UTRN: variants seen among roughly 807,000 people sequenced by gnomAD.
UTRN encodes the protein utrophin.
In UTRN, 283 loss-of-function variants were observed where a neutral mutation model predicts 463.9. That is an observed-to-expected ratio of 0.61 (90% CI 0.55 to 0.67). The LOEUF is 0.67. Among genes scored for constraint, UTRN ranks in the 30% least tolerant of loss-of-function variants. The probability of loss-of-function intolerance (pLI) is 0.00; values close to 1 mark genes in which losing one functional copy is unlikely to be tolerated. For synonymous variants in UTRN, 1,442 were observed against 1,431.5 expected (o/e 1.01, Z -0.17); for missense variants, 3,922 against 4,084.3 (o/e 0.96, Z 1.08).
chr6:144,847,428 G>GT (rs1782119327), intron 74 of UTRN, among the ~76,000 whole-genome samples: 5 of 151,978 alleles, frequency 3.3e-5, no homozygotes, highest in South Asian at 4.2e-4. Context: ...TTTTGTTTTT[G>GT]TTTTTTCCCA....
intron 44 of UTRN, 58 bp from the exon 45 acceptor site, chr6:144,539,236 C>A (rs2128605822): frequency 6.7e-7 from 1 of 1,481,626 alleles, no homozygotes; most frequent in East Asian, 2.4e-5. Flanking sequence ...TAATACAGTT[C>A]TTGAATTTTC....
chr6:144,596,452 G>A (rs1803654835), intron 51 of UTRN, among the ~76,000 whole-genome samples: 1 of 152,112 alleles, frequency 6.6e-6, no homozygotes, highest in African/African-American at 2.4e-5. Flanking sequence ...GGAGACAGAA[G>A]CTTAAAAGAG....
At chr6:144,674,233 A>G (rs574209453) in intron 51 of UTRN, among the ~76,000 whole-genome samples, 42 of 151,976 alleles carry the variant, frequency 2.8e-4, no homozygotes, top group Non-Finnish European at 5.3e-4. Flanking sequence ...TTTTTTTTCA[A>G]ATAAATTTTC....
intron 2 of UTRN, among the ~76,000 whole-genome samples, chr6:144,370,394 A>G (rs562044641): frequency 6.6e-6 from 1 of 152,334 alleles, no homozygotes; most frequent in South Asian, 2.1e-4. Context: ...TGGGAGGCTT[A>G]TGCATGGTGT....
At chr6:144,319,963 C>T (rs1230775507) in intron 2 of UTRN, among the ~76,000 whole-genome samples, 2 of 151,980 alleles carry the variant, frequency 1.3e-5, no homozygotes, top group South Asian at 2.1e-4. Context: ...AAGCAATTCT[C>T]CTGTCTCAGT....
chr6:144,564,462 A>G (rs377298385), intron 50 of UTRN, among the ~76,000 whole-genome samples: 110 of 152,340 alleles, frequency 7.2e-4, no homozygotes, highest in Admixed American at 2.8e-3. Flanking sequence ...AGGCCAGATC[A>G]TGCTGAGCTT....
intron 25 of UTRN, among the ~76,000 whole-genome samples, chr6:144,477,989 A>T (rs1428124943): frequency 1.3e-5 from 2 of 152,190 alleles, no homozygotes; most frequent in African/African-American, 4.8e-5. Flanking sequence ...ATATATGGGA[A>T]ATTTAAAGTG....
chr6:144,844,905 G>A (rs1228532212), intron 73 of UTRN, among the ~76,000 whole-genome samples: 1 of 152,176 alleles, frequency 6.6e-6, no homozygotes, highest in African/African-American at 2.4e-5. Flanking sequence ...ATCCTTTGTG[G>A]ATTAAAAATT....
intron 53 of UTRN, among the ~76,000 whole-genome samples, chr6:144,710,548 G>C (rs1280919252): frequency 6.6e-6 from 1 of 152,130 alleles, no homozygotes; most frequent in East Asian, 1.9e-4. Flanking sequence ...GTACTTTCTT[G>C]GGTGTTTTAA....
intron 52 of UTRN, among the ~76,000 whole-genome samples, chr6:144,682,127 TC>T (rs939123255): frequency 2.6e-4 from 39 of 152,052 alleles, no homozygotes; most frequent in African/African-American, 9.4e-4. Flanking sequence ...CACCACTTCC[TC>T]CCCATCACCC....
chr6:144,829,709 TA>T (rs76736169), intron 69 of UTRN, among the ~76,000 whole-genome samples: 430 of 135,764 alleles, frequency 3.2e-3, no homozygotes, highest in Middle Eastern at 0.015. Flanking sequence ...GTGTTTTCAC[TA>T]AAAAAAAAAA....
At chr6:144,644,660 A>G (rs1394074706) in intron 51 of UTRN, among the ~76,000 whole-genome samples, 1 of 152,196 alleles carries the variant, frequency 6.6e-6, no homozygotes. Flanking sequence ...AAGAAATTGT[A>G]TCATTTTGTA....
chr6:144,306,270 C>T (rs531978734), intron 2 of UTRN, among the ~76,000 whole-genome samples: 5 of 152,208 alleles, frequency 3.3e-5, no homozygotes, highest in East Asian at 3.9e-4. Context: ...CTAGAAGCCA[C>T]GTGGAGCATG....
intron 62 of UTRN, among the ~76,000 whole-genome samples, chr6:144,791,103 G>A (rs1040628932): frequency 8.6e-5 from 13 of 151,948 alleles, no homozygotes; most frequent in Non-Finnish European, 1.8e-4. Flanking sequence ...AATGTCCTGG[G>A]GTTTTATTTT....
intron 2 of UTRN, among the ~76,000 whole-genome samples, chr6:144,323,198 A>T (rs991832670): frequency 5.3e-5 from 8 of 152,210 alleles, no homozygotes; most frequent in African/African-American, 1.7e-4. Flanking sequence ...GCATTGATGA[A>T]GCATAACCTT....
chr6:144,720,261 C>T (rs1030447756), intron 53 of UTRN, among the ~76,000 whole-genome samples: 5 of 152,210 alleles, frequency 3.3e-5, no homozygotes, highest in Non-Finnish European at 5.9e-5. Context: ...TTCTTTATAC[C>T]GTCTTATCTT....
intron 51 of UTRN, chr6:144,583,381 G>C (rs1367356355): frequency 9.2e-6 from 5 of 540,618 alleles, no homozygotes; most frequent in Admixed American, 6.3e-5. Context: ...TGCTTTCCTG[G>C]AAACGAGCAT....
chr6:144,666,096 C>A (rs1448672075), intron 51 of UTRN, among the ~76,000 whole-genome samples: 1 of 152,184 alleles, frequency 6.6e-6, no homozygotes, highest in Non-Finnish European at 1.5e-5. Flanking sequence ...AGGGCCAAGT[C>A]TCCCAGCTGT....
Position 144,285,498 on chromosome 6 carries a change from T to C in UTRN, c.-416T>C, listed in dbSNP as rs1177885439. On this transcript the variant is annotated 5_prime_UTR_variant, in exon 1 of 75. Transcript: ENST00000367545. ...TCTGCAAACGGAAAACTCTGTAGCG[T>C]TTGGCAAAGTTGGTGCCTGCGCGCC... Among the ~76,000 whole-genome samples the C allele has an allele frequency of 6.6e-6, 1 of 152,158 alleles. No homozygotes were observed. Among genetic ancestry groups the C allele is most frequent in the Non-Finnish European group, 1.5e-5 (1 of 68,014 alleles).
Sources: allele counts gnomAD v4.1 joint callset (sites outside exome capture counted in the v4.1 genomes callset), GRCh38; gene constraint gnomAD v4.1.1; transcripts MANE v1.5; gene names NCBI Gene and HGNC (gene_info 2026-07-23, HGNC 2026-07-21).